IQGAP3: variants seen among roughly 807,000 people sequenced by gnomAD.
IQGAP3 encodes ras GTPase-activating-like protein IQGAP3.
Under a neutral mutation model 208.2 loss-of-function variants are expected in IQGAP3, and 165 were observed. That is an observed-to-expected ratio of 0.79 (90% CI 0.70 to 0.90). IQGAP3 has a LOEUF of 0.90. Ranked by LOEUF, IQGAP3 falls within the 40% of genes least tolerant of loss-of-function variation. The pLI, the probability that IQGAP3 is intolerant of heterozygous loss-of-function variation, is 0.00. For missense variants in IQGAP3, 1,811 were observed against 2,043.1 expected, an observed-to-expected ratio of 0.89 and a Z score of 2.19; for synonymous variants, 703 against 803.6, an observed-to-expected ratio of 0.87 and a Z score of 2.12.
At position 156,528,585 on chromosome 1, in the gene IQGAP3, G is replaced by C. The variant is rs751322327; in HGVS notation, c.4597C>G (p.Pro1533Ala). 13 of 1,613,610 alleles carry C rather than the reference G, an allele frequency of 8.1e-6. No individual in the cohort carries two copies. In the East Asian group the frequency reaches 1.8e-4, roughly 22 times the overall value. ...SKSSGKGKKQ[P>A]SLHYTAAQLL... is the part of the protein sequence containing the mutation. ...TGAGCAGCAGTGTAATGAAGAGAAGGCTGCTTCTTCCCCTTCCCAGAACTC... is the reference window on the plus strand; with the variant it reads ...TGAGCAGCAGTGTAATGAAGAGAAGCCTGCTTCTTCCCCTTCCCAGAACTC... The change falls in exon 36 of 38, where the codon CCT becomes GCT. Residue 1533 changes from proline to alanine, a missense_variant. Transcript: ENST00000361170.
Position 156,547,059 on chromosome 1 carries a change from C to G in IQGAP3, c.2304+1014G>C, listed in dbSNP as rs549929015. On this transcript the variant is annotated intron_variant, in intron 19 of 37. Coordinates refer to ENST00000361170, the MANE Select transcript of IQGAP3 (RefSeq NM_178229.5). The stretch of plus-strand genomic sequence containing the variant: ...GCATCTTACATTGCCAGCACCTCCA[C>G]GAGGCCCTCCAGATCACATCTGCCT... 2.6e-5 allele frequency among the ~76,000 whole-genome samples: 4 copies of G among 152,342 alleles called. No homozygotes were observed. In the East Asian group the frequency reaches 7.7e-4, roughly 29 times the overall value.
At chr1:156,543,275 C>T (rs1481430055) in intron 22 of IQGAP3, among the ~76,000 whole-genome samples, 1 of 152,012 alleles carries the variant, frequency 6.6e-6, no homozygotes, top group Non-Finnish European at 1.5e-5. Flanking sequence ...AGGCAAAGCC[C>T]CTGTGGGCAG....
intron 27 of IQGAP3, chr1:156,536,884 TCTC>T (rs760265892): frequency 1.6e-5 from 4 of 249,182 alleles, no homozygotes; most frequent in Non-Finnish European, 3.0e-5. Context: ...AGTCCCATTT[TCTC>T]CTCATTTGCT....
At position 156,534,884 on chromosome 1, in the gene IQGAP3, A is replaced by T. The variant is rs728917; in HGVS notation, c.3508-151T>A. On this transcript the variant is annotated intron_variant, in intron 28 of 37. Coordinates refer to ENST00000361170, the MANE Select transcript of IQGAP3 (RefSeq NM_178229.5). The stretch of plus-strand genomic sequence containing the variant: ...CCCAGAGCAGGCAGACAACTTGCTT[A>T]AGGCCACACAGCAAACCTGAGCAAG... 8.8e-3 allele frequency: 5,810 copies of T among 659,426 alleles called. 262 individuals are homozygous for T. In the African/African-American group the frequency reaches 0.098, roughly 11 times the overall value. The allele number at this position is 659,426 out of a possible 1,614,324, so 40.8% of individuals were successfully genotyped here.
At chr1:156,526,723 G>A (rs1448705993) in intron 37 of IQGAP3, 124 bp from the exon 38 acceptor site, 4 of 647,346 alleles carry the variant, frequency 6.2e-6, no homozygotes, top group Non-Finnish European at 8.3e-6. Context: ...CACTGAAGTA[G>A]GGCATTGAAA....
At chr1:156,528,093 C>G (rs1369238557) in intron 36 of IQGAP3, 33 bp from the exon 37 acceptor site, 1 of 1,520,626 alleles carries the variant, frequency 6.6e-7, no homozygotes, top group Non-Finnish European at 9.1e-7. Context: ...CAGGAACCCA[C>G]TGCCTCTTTC....
rs527344214 is a variant in IQGAP3 at position 156,531,253 on chromosome 1, CAAG to C, written c.4104-9_4104-7del. ...CGGCCAACAGCTGCTTGGTGCTGCACAAGGAGGACAGTGACAGAGGAGAGGTAA... is the reference window on the plus strand; with the variant it reads ...CGGCCAACAGCTGCTTGGTGCTGCACGAGGACAGTGACAGAGGAGAGGTAA... On this transcript the variant is annotated splice_region_variant and splice_polypyrimidine_tract_variant and intron_variant, in intron 32 of 37. Transcript: ENST00000361170. The C allele has an allele frequency of 3.8e-4, 613 of 1,611,766 alleles. 1 individual carries two copies. The African/African-American group carries it at 5.7e-3, about 15-fold the overall frequency.
intron 27 of IQGAP3, among the ~76,000 whole-genome samples, chr1:156,536,054 C>T (rs1235359614): frequency 2.6e-5 from 4 of 152,124 alleles, no homozygotes; most frequent in Non-Finnish European, 5.9e-5. Context: ...TCCTAGGGTA[C>T]CAGAGACAGA....
intron 13 of IQGAP3, among the ~76,000 whole-genome samples, chr1:156,553,580 C>CTTT (rs11316423): frequency 2.8e-4 from 25 of 87,828 alleles, no homozygotes; most frequent in East Asian, 7.0e-4. Context: ...TTCTTTCTTT[C>CTTT]TTTTTTTTTT....
intron 22 of IQGAP3, among the ~76,000 whole-genome samples, chr1:156,542,430 T>G (rs998434078): frequency 8.5e-5 from 13 of 152,186 alleles, no homozygotes; most frequent in African/African-American, 1.2e-4. Flanking sequence ...CCTCAGGTGA[T>G]TCTCCTGCCT....
In IQGAP3 at chr1:156,571,461, G is replaced by A. The variant is rs573388872; in HGVS notation, c.37+1032C>T. Among the ~76,000 whole-genome samples the A allele has an allele frequency of 2.8e-3, 426 of 152,224 alleles. 2 individuals are homozygous for A. The highest frequency in any genetic ancestry group is 9.7e-3 in the African/African-American group (402 of 41,530). ...AGCAGTTAAGTAAATTAAAACACAT[G>A]CGTGCACACACACACACACCCCTCC... On this transcript the variant is annotated intron_variant, in intron 1 of 37. Transcript: ENST00000361170.
rs1270050876 is a variant in IQGAP3, at chr1:156,563,589, T to G, written c.583A>C (p.Ile195Leu). 1 of 1,612,704 alleles carries G rather than the reference T, an allele frequency of 6.2e-7. No individual in the cohort carries two copies. The highest frequency in any genetic ancestry group is 1.1e-5 in the South Asian group (1 of 90,950). ...TCCACCGAGAGCTCATTGGCCAAGA[T>G]GCCCCCGATCTTGCTGAAGGCAGGC... ...QLPAFSKIGG[I>L]LANELSVDEA... The change falls in exon 7 of 38, where the codon ATC (isoleucine) becomes CTC (leucine). Residue 195 changes from isoleucine to leucine, a missense_variant. By Grantham distance (5) the Ile-to-Leu change is conservative. Coordinates refer to ENST00000361170, the MANE Select transcript of IQGAP3 (RefSeq NM_178229.5).
At chr1:156,570,019 A>G (rs1676577148) in intron 1 of IQGAP3, among the ~76,000 whole-genome samples, 1 of 151,686 alleles carries the variant, frequency 6.6e-6, no homozygotes, top group Non-Finnish European at 1.5e-5. Context: ...TTCCCTCAGT[A>G]CCTCCCAGCT....
At chr1:156,571,588 C>A (rs1676645588) in intron 1 of IQGAP3, among the ~76,000 whole-genome samples, 1 of 152,152 alleles carries the variant, frequency 6.6e-6, no homozygotes, top group South Asian at 2.1e-4. Context: ...GGAAAATAAA[C>A]CAGTAAGTGA....
chr1:156,566,246 C>T, intron 3 of IQGAP3, 142 bp from the exon 4 acceptor site: 3 of 1,213,830 alleles, frequency 2.5e-6, no homozygotes, highest in Non-Finnish European at 3.6e-6. Flanking sequence ...TCCATCCCTA[C>T]CAGGACAGAG....
rs758896919 is a variant in IQGAP3, at chr1:156,556,705, G to T, written c.1130-12C>A. ...CACAGCGTGGAGCACTGCAAGGCAG[G>T]AGAGCAACAGGTTGTACTGGCCGGG... On this transcript the variant is annotated splice_polypyrimidine_tract_variant and intron_variant, in intron 11 of 37. Coordinates refer to ENST00000361170, the MANE Select transcript of IQGAP3 (RefSeq NM_178229.5). The T allele has an allele frequency of 6.5e-7, 1 of 1,533,436 alleles. No individual in the cohort carries two copies. Among genetic ancestry groups the T allele is most frequent in the South Asian group, 1.2e-5 (1 of 81,482 alleles). 95.0% of individuals were successfully genotyped at this position (1,533,436 alleles called of 1,614,324 possible).
chr1:156,530,360 A>G, intron 33 of IQGAP3, 43 bp from the exon 34 acceptor site: 1 of 1,545,820 alleles, frequency 6.5e-7, no homozygotes, highest in Non-Finnish European at 8.8e-7. Flanking sequence ...AGGTCCTACC[A>G]TTCTGCTCCC....
chr1:156,565,372 C>T (rs1421730698), intron 4 of IQGAP3, among the ~76,000 whole-genome samples: 1 of 152,236 alleles, frequency 6.6e-6, no homozygotes, highest in Non-Finnish European at 1.5e-5. Flanking sequence ...CACATGACCT[C>T]TATTGCTTCT....
intron 15 of IQGAP3, 102 bp downstream of exon 15, chr1:156,551,603 A>G (rs1361659044): frequency 3.3e-6 from 4 of 1,230,518 alleles, no homozygotes; most frequent in Non-Finnish European, 4.5e-6. Context: ...CCCAGAAGCC[A>G]TTGTGTCCAT....
Sources: gnomAD v4.1 joint callset for allele counts (sites outside exome capture counted in the v4.1 genomes callset) on GRCh38, gnomAD v4.1.1 for gene constraint, MANE v1.5 for transcripts, NCBI Gene and HGNC (gene_info 2026-07-23, HGNC 2026-07-21) for gene names.